GTF3C2: variants seen among roughly 807,000 people sequenced by gnomAD.
The protein encoded by GTF3C2 is general transcription factor 3C polypeptide 2.
Under a neutral mutation model 117.4 loss-of-function variants are expected in GTF3C2, and 17 were observed. The observed-to-expected ratio is 0.14, with a 90% confidence interval of 0.10 to 0.22. GTF3C2 has a LOEUF of 0.22. Ranked by LOEUF, GTF3C2 falls within the 10% of genes least tolerant of loss-of-function variation. The probability of loss-of-function intolerance (pLI) is 1.00; values close to 1 mark genes in which losing one functional copy is unlikely to be tolerated. For synonymous variants in GTF3C2, 437 were observed against 427.0 expected (o/e 1.02, Z -0.29); for missense variants, 888 against 1,143.6 (o/e 0.78, Z 3.22).
At chr2:27,337,156 C>T (rs1680515456) in intron 7 of GTF3C2, 88 bp downstream of exon 7, 4 of 760,094 alleles carry the variant, frequency 5.3e-6, no homozygotes, top group South Asian at 5.2e-5. Flanking sequence ...AGGGGAAGGA[C>T]AGGACTTATC....
At chr2:27,332,199 G>A (rs1680295431) in intron 12 of GTF3C2, among the ~76,000 whole-genome samples, 1 of 151,942 alleles carries the variant, frequency 6.6e-6, no homozygotes, top group Admixed American at 6.6e-5. Flanking sequence ...TAGCTAGTTA[G>A]TTAAAGATGG....
At chr2:27,353,254 G>A (rs1681198197) in intron 1 of GTF3C2, among the ~76,000 whole-genome samples, 2 of 151,922 alleles carry the variant, frequency 1.3e-5, no homozygotes, top group Admixed American at 6.6e-5. Context: ...TTAGCTGGGT[G>A]TGGCGGCACA....
chr2:27,329,187 C>G lies in GTF3C2; in HGVS notation c.1973G>C (p.Ser658Thr). The change falls in exon 14 of 19, where the codon AGT (serine) becomes ACT (threonine). Residue 658 changes from serine to threonine, a missense_variant. Coordinates refer to ENST00000264720, the Ensembl canonical transcript of GTF3C2. The surrounding 1 kb of genome is among the most constrained non-coding windows in gnomAD (Gnocchi z 4.5). ...GGGAAGCAGCCAGGCCAGTTCTGTA[C>G]TCAAGAAGCGCTTGATAGAGTTTAT... 1 of 1,614,118 alleles carries G rather than the reference C, an allele frequency of 6.2e-7. No homozygotes were observed. The highest frequency in any genetic ancestry group is 8.5e-7 in the Non-Finnish European group (1 of 1,179,988).
chr2:27,345,487 G>T (rs1680884987), intron 1 of GTF3C2, among the ~76,000 whole-genome samples: 1 of 151,610 alleles, frequency 6.6e-6, no homozygotes, highest in South Asian at 2.1e-4. Flanking sequence ...CAGCTACTCA[G>T]GAGGCGGAGG....
chr2:27,337,111 G>A, intron 7 of GTF3C2, 133 bp downstream of exon 7: 1 of 636,966 alleles, frequency 1.6e-6, no homozygotes, highest in South Asian at 1.9e-5. Flanking sequence ...GCTCTAGTCA[G>A]CACTCTTATT....
At chr2:27,343,506 C>G in exon 2 of GTF3C2, 1 of 1,613,978 alleles carries the variant, frequency 6.2e-7, no homozygotes, top group Non-Finnish European at 8.5e-7. Context: ...ATGTTCCCCA[C>G]GGGGCCGGCC....
At chr2:27,332,412 ATTATT>A (rs961035614) in intron 12 of GTF3C2, among the ~76,000 whole-genome samples, 1 of 151,442 alleles carries the variant, frequency 6.6e-6, no homozygotes, top group African/African-American at 2.4e-5. Context: ...TAAAAATTTT[ATTATT>A]TTTAGTTTTT....
In GTF3C2 at chr2:27,329,887, ATC is replaced by A. The variant is rs1360401013; in HGVS notation, c.1733-366_1733-365del. Among the ~76,000 whole-genome samples the A allele has an allele frequency of 6.6e-6, 1 of 152,162 alleles. No homozygotes were observed. The highest frequency in any genetic ancestry group is 2.4e-5 in the African/African-American group (1 of 41,426). On this transcript the variant is annotated intron_variant, in intron 12 of 18. Coordinates refer to ENST00000264720, the Ensembl canonical transcript of GTF3C2. This position sits in a 1 kb window ranked among gnomAD's most constrained non-coding sequence, Gnocchi z 4.5. The stretch of plus-strand genomic sequence containing the variant: ...GGGCACACGGTGGCTCATGCCTGTA[ATC>A]TCAACACTGTGGGAGGCCAATGCAG...
exon 18 of GTF3C2, chr2:27,327,186 A>G: frequency 6.4e-7 from 1 of 1,560,190 alleles, no homozygotes. Flanking sequence ...CCTTATGAAT[A>G]GCCTCCAGCT....
chr2:27,345,051 A>C (rs1370619282), intron 1 of GTF3C2, among the ~76,000 whole-genome samples: 2 of 151,966 alleles, frequency 1.3e-5, no homozygotes, highest in Non-Finnish European at 2.9e-5. Context: ...TGAGAGGACA[A>C]GGCAGAAGGA....
intron 1 of GTF3C2, chr2:27,356,362 G>C (rs564648708): frequency 3.0e-6 from 1 of 328,814 alleles, no homozygotes; most frequent in Non-Finnish European, 6.2e-6. Flanking sequence ...TGGGCGTGAA[G>C]GTAGATTTCT....
At chr2:27,333,619 G>A (rs750352576) in intron 12 of GTF3C2, 36 bp downstream of exon 12, 4 of 1,476,386 alleles carry the variant, frequency 2.7e-6, no homozygotes, top group Non-Finnish European at 3.7e-6. Flanking sequence ...AATTTAAAGA[G>A]CAATAGTTCC....
At chr2:27,342,689 G>A (rs2148307721) in intron 3 of GTF3C2, 137 bp downstream of exon 3, 1 of 660,896 alleles carries the variant, frequency 1.5e-6, no homozygotes, top group Non-Finnish European at 2.7e-6. Flanking sequence ...AGAGCCTAAA[G>A]GACTGCTCAA....
chr2:27,328,725 TAG>T (rs1421574627), intron 15 of GTF3C2, 117 bp downstream of exon 15: 4 of 1,060,856 alleles, frequency 3.8e-6, no homozygotes, highest in East Asian at 2.4e-5. Flanking sequence ...GCCCTGATGA[TAG>T]AGTTACAACA....
chr2:27,330,540 C>A (rs562909734), intron 12 of GTF3C2, among the ~76,000 whole-genome samples: 4 of 152,100 alleles, frequency 2.6e-5, no homozygotes, highest in African/African-American at 9.6e-5. Flanking sequence ...TCAAAAGCAA[C>A]ACAATGTTGC....
intron 4 of GTF3C2, chr2:27,339,697 G>C (rs1680645183): frequency 6.6e-6 from 1 of 151,700 alleles, no homozygotes; most frequent in African/African-American, 2.4e-5. Flanking sequence ...ATGTCAGAAA[G>C]TGAATTCTGT....
chr2:27,338,442 G>GCGCGCA (rs779601793), intron 4 of GTF3C2, among the ~76,000 whole-genome samples: 2 of 112,112 alleles, frequency 1.8e-5, no homozygotes, highest in Admixed American at 9.1e-5. Context: ...CTCTACACAG[G>GCGCGCA]CGCGCACGCG....
intron 1 of GTF3C2, among the ~76,000 whole-genome samples, chr2:27,353,613 A>G (rs924252404): frequency 2.0e-5 from 3 of 151,952 alleles, no homozygotes; most frequent in Admixed American, 6.6e-5. Flanking sequence ...TAAGTTTTGT[A>G]CTTTTAGTAG....
exon 19 of GTF3C2, chr2:27,326,309 C>A: frequency 2.2e-6 from 1 of 459,164 alleles, no homozygotes; most frequent in South Asian, 1.8e-5. Flanking sequence ...GTTCTCCATA[C>A]ACCCATTCAC....
Sources: allele counts gnomAD v4.1 joint callset (sites outside exome capture counted in the v4.1 genomes callset), GRCh38; gene constraint gnomAD v4.1.1; non-coding constraint Gnocchi (gnomAD v3.1); transcripts MANE v1.5; gene names NCBI Gene and HGNC (gene_info 2026-07-23, HGNC 2026-07-21).